The following CCDC77 variants were observed in gnomAD, a reference collection of about 807,000 sequenced individuals.
CCDC77 encodes coiled-coil domain containing 77.
A neutral mutation model predicts 66.8 loss-of-function variants in CCDC77; 56 were observed. The observed-to-expected ratio is 0.84, with a 90% CI of 0.68 to 1.05. The LOEUF is 1.05. Ranked by LOEUF, CCDC77 falls within the 50% of genes least tolerant of loss-of-function variation. The pLI, the probability that CCDC77 is intolerant of heterozygous loss-of-function variation, is 0.00. For missense variants in CCDC77, 570 were observed against 576.8 expected (o/e 0.99, Z 0.12); for synonymous variants, 196 against 195.2 (o/e 1.00, Z -0.03).
rs747882454 is a variant in CCDC77, at chr12:418,569, G to T, written c.346G>T (p.Val116Phe). 6.2e-7 allele frequency: 1 copy of T among 1,613,810 alleles called. No individual in the cohort carries two copies. The highest frequency in any genetic ancestry group is 1.3e-5 in the African/African-American group (1 of 74,922). The change falls in exon 5 of 13, where the codon GTC becomes TTC. Residue 116 changes from valine to phenylalanine, a missense_variant. Coordinates refer to ENST00000239830, the MANE Select transcript of CCDC77 (RefSeq NM_032358.4). ...ELQKALSDMQ[V>F]CLFQEREHVL... is the part of the protein sequence containing the mutation. ...GCAGAAAGCTCTAAGTGATATGCAG[G>T]TCTGCCTCTTCCAGGAACGGGAACA...
In CCDC77 at chr12:441,801, G is replaced by A. The variant is rs766505954; in HGVS notation, c.1348G>A (p.Asp450Asn). 1 of 1,612,210 alleles carries A rather than the reference G, an allele frequency of 6.2e-7. No individual in the cohort carries two copies. Among genetic ancestry groups the A allele is most frequent in the South Asian group, 1.1e-5 (1 of 90,998 alleles). ...AACAGTTAATGCCCGGGCAAACCAG[G>A]ATCTTGCCCTTCTGTGTGAGGTCCG... is the stretch of plus-strand genomic sequence containing the variant. ...KATVNARANQ[D>N]LALLCEVRDS... is the part of the protein sequence containing the mutation. The change falls in exon 13 of 13, where the codon GAT (aspartate) becomes AAT (asparagine). Residue 450 changes from aspartate to asparagine, a missense_variant. Transcript: ENST00000239830.
intron 5 of CCDC77, chr12:418,895 T>A (rs954949058): frequency 1.4e-5 from 5 of 370,192 alleles, no homozygotes; most frequent in African/African-American, 8.2e-5. Flanking sequence ...GATGGGGTTT[T>A]GCCCTGTCAG....
chr12:397,689 C>A (rs1478154186), upstream of CCDC77, among the ~76,000 whole-genome samples: 1 of 151,988 alleles, frequency 6.6e-6, no homozygotes, highest in Non-Finnish European at 1.5e-5. Flanking sequence ...CTCTGTCACC[C>A]AGGCTGGAGT....
chr12:430,338 T>C (rs1011370264), intron 6 of CCDC77, among the ~76,000 whole-genome samples: 3 of 151,652 alleles, frequency 2.0e-5, no homozygotes, highest in East Asian at 1.9e-4. Flanking sequence ...GTTGCCCAGG[T>C]TGGAGTGCAG....
intron 5 of CCDC77, among the ~76,000 whole-genome samples, chr12:425,657 A>G (rs1038560447): frequency 3.3e-5 from 5 of 151,962 alleles, no homozygotes; most frequent in African/African-American, 1.2e-4. Flanking sequence ...ATCGGAGGGA[A>G]TATCCTGGGA....
At chr12:417,779 G>A (rs563741003) in intron 4 of CCDC77, among the ~76,000 whole-genome samples, 119 of 152,164 alleles carry the variant, frequency 7.8e-4, no homozygotes, top group Non-Finnish European at 1.4e-3. Flanking sequence ...GTGCACACCT[G>A]TAATCCCAGC....
At chr12:435,466 T>C (rs1337162169) in intron 9 of CCDC77, among the ~76,000 whole-genome samples, 1 of 152,242 alleles carries the variant, frequency 6.6e-6, no homozygotes, top group Non-Finnish European at 1.5e-5. Flanking sequence ...TTCCAAACCC[T>C]ATGAATTATA....
In CCDC77 at chr12:428,846, G is replaced by C; in HGVS notation, c.491G>C (p.Cys164Ser). Residue 164 changes from cysteine (C) to serine (S), a missense_variant, in exon 6 of 13, where the codon TGT becomes TCT. Physicochemically the swap from Cys to Ser is moderately radical, Grantham distance 112. Transcript: ENST00000239830. ...GATGCTGGAGAAGTGACCTATTTTT[G>C]TAAGGAGCCTCCTCACAAAGTAAGT... ...GTDAGEVTYF[C>S]KEPPHKVTIL... The C allele has an allele frequency of 1.2e-6, 2 of 1,610,474 alleles. No individual in the cohort carries two copies. Among genetic ancestry groups the C allele is most frequent in the Non-Finnish European group, 8.5e-7 (1 of 1,177,612 alleles).
chr12:415,123 T>C (rs966380383), intron 4 of CCDC77, among the ~76,000 whole-genome samples: 1 of 152,028 alleles, frequency 6.6e-6, no homozygotes, highest in Non-Finnish European at 1.5e-5. Flanking sequence ...TCTGAATACA[T>C]TTACTGGGAC....
intron 1 of CCDC77, among the ~76,000 whole-genome samples, chr12:404,506 G>T (rs1011236926): frequency 1.3e-5 from 2 of 152,172 alleles, no homozygotes; most frequent in Non-Finnish European, 2.9e-5. Context: ...AGTGGCTCAT[G>T]CCTGTAATCT....
chr12:408,863 T>G (rs1945048149), intron 2 of CCDC77, among the ~76,000 whole-genome samples: 1 of 152,192 alleles, frequency 6.6e-6, no homozygotes, highest in Non-Finnish European at 1.5e-5. Flanking sequence ...GAGTACCTTT[T>G]GAAAATTCAA....
chr12:415,396 A>AATT (rs1945220605), intron 4 of CCDC77, among the ~76,000 whole-genome samples: 1 of 72,128 alleles, frequency 1.4e-5, no homozygotes. Context: ...ATGTTAATAT[A>AATT]ATCAACATAA....
chr12:398,169 C>A (rs1172006210), upstream of CCDC77, among the ~76,000 whole-genome samples: 1 of 152,174 alleles, frequency 6.6e-6, no homozygotes, highest in African/African-American at 2.4e-5. Flanking sequence ...TGAAAGATTT[C>A]TCTGTAGCAT....
intron 5 of CCDC77, among the ~76,000 whole-genome samples, chr12:424,972 C>T (rs1945500430): frequency 6.7e-6 from 1 of 150,302 alleles, no homozygotes. Flanking sequence ...CCTCTGTCAC[C>T]CAGGCTGGAA....
chr12:407,949 G>T (rs373486100), intron 2 of CCDC77, among the ~76,000 whole-genome samples: 3 of 151,842 alleles, frequency 2.0e-5, no homozygotes, highest in African/African-American at 7.3e-5. Context: ...CACGACACCC[G>T]GCTAATTTTT....
At chr12:424,630 G>A (rs1233388545) in intron 5 of CCDC77, among the ~76,000 whole-genome samples, 1 of 151,852 alleles carries the variant, frequency 6.6e-6, no homozygotes, top group Non-Finnish European at 1.5e-5. Context: ...TGCCGAGCCA[G>A]GAGTTTTTAA....
chr12:431,207 C>G (rs1945643874), intron 7 of CCDC77, among the ~76,000 whole-genome samples: 1 of 128,472 alleles, frequency 7.8e-6, no homozygotes, highest in African/African-American at 2.9e-5. Flanking sequence ...AAATTTTGCT[C>G]AGTTCTTTTT....
rs1191955200 is a variant in CCDC77, at chr12:441,793, C to A, written c.1340C>A (p.Ala447Glu). 1 of 1,610,390 alleles carries A rather than the reference C, an allele frequency of 6.2e-7. No individual in the cohort carries two copies. The highest frequency in any genetic ancestry group is 1.4e-5 in the African/African-American group (1 of 73,892). ...MLYKATVNAR[A>E]NQDLALLCEV... ...CCCTAGGCAACAGTTAATGCCCGGG[C>A]AAACCAGGATCTTGCCCTTCTGTGT... Residue 447 changes from alanine (A) to glutamate (E), a missense_variant, in exon 13 of 13, where the codon GCA becomes GAA. Ala to Glu is a moderately radical substitution (Grantham distance 107). Transcript: ENST00000239830.
At chr12:396,749 A>G (rs1349171644), upstream of CCDC77, among the ~76,000 whole-genome samples, 1 of 152,182 alleles carries the variant, frequency 6.6e-6, no homozygotes, top group Non-Finnish European at 1.5e-5. Context: ...TGAAGCTGGA[A>G]AGTGCGTCCT....
Sources: gnomAD v4.1 joint callset for allele counts (sites outside exome capture counted in the v4.1 genomes callset) on GRCh38, gnomAD v4.1.1 for gene constraint, MANE v1.5 for transcripts, NCBI Gene and HGNC (gene_info 2026-07-23, HGNC 2026-07-21) for gene names.